HEATR5B: variants seen among roughly 807,000 people sequenced by gnomAD.
HEATR5B encodes HEAT repeat-containing protein 5B.
A neutral mutation model predicts 224.1 loss-of-function variants in HEATR5B; 156 were observed. The ratio of observed to expected loss-of-function variants is 0.70; its 90% confidence interval spans 0.61 to 0.80. The LOEUF (loss-of-function observed/expected upper bound fraction) is 0.80. Ranked by LOEUF, HEATR5B falls within the 30% of genes least tolerant of loss-of-function variation. The pLI is 0.00. For missense variants in HEATR5B, 2,323 were observed against 2,535.5 expected (o/e 0.92, Z 1.80); for synonymous variants, 1,027 against 893.0 (o/e 1.15, Z -2.68).
At chr2:37,043,505 T>C (rs1172653483) in intron 18 of HEATR5B, among the ~76,000 whole-genome samples, 1 of 152,192 alleles carries the variant, frequency 6.6e-6, no homozygotes, top group African/African-American at 2.4e-5. Flanking sequence ...AGAGAGTTCT[T>C]CTCCAAGGGC....
chr2:37,031,641 T>G (rs1485585565), intron 22 of HEATR5B, among the ~76,000 whole-genome samples: 2 of 152,128 alleles, frequency 1.3e-5, no homozygotes, highest in African/African-American at 2.4e-5. Context: ...AAAACAGTAC[T>G]GTCTACTGGT....
chr2:37,006,377 T>A (rs1248084696), intron 29 of HEATR5B, among the ~76,000 whole-genome samples: 3 of 152,236 alleles, frequency 2.0e-5, no homozygotes, highest in Admixed American at 1.3e-4. Flanking sequence ...CTGGGTGCAG[T>A]GGCTCATACC....
Position 37,019,811 on chromosome 2 carries a change from G to C in HEATR5B, c.4102C>G (p.Gln1368Glu). ...TPSDIIAKACQVCSTWIGSGV... is the reference protein window; with the variant it reads ...TPSDIIAKACEVCSTWIGSGV... ...CAAAGTCCCATTTTTCTTCTTACCT[G>C]GCAAGCTTTCGCTATTATATCTGAT... The change falls in exon 26 of 36, where the codon CAG becomes GAG. Residue 1368 changes from glutamine to glutamate, a missense_variant and splice_region_variant. Coordinates refer to ENST00000233099, the MANE Select transcript of HEATR5B (RefSeq NM_019024.3). The C allele has an allele frequency of 6.2e-7, 1 of 1,600,692 alleles. No homozygotes were observed. The highest frequency in any genetic ancestry group is 8.6e-7 in the Non-Finnish European group (1 of 1,169,360).
chr2:37,019,346 T>A lies in HEATR5B; in HGVS notation c.4104+463A>T, dbSNP rs2540999. Among the ~76,000 whole-genome samples the A allele has an allele frequency of 1.2e-4, 19 of 152,092 alleles. 1 individual carries two copies. Among genetic ancestry groups the A allele is most frequent in the Admixed American group, 6.5e-5 (1 of 15,270 alleles). ...TAATGTGTGGTCAAAAACAATGTTT[T>A]GACCACAATGTTTATTACCTAATTA... On this transcript the variant is annotated intron_variant, in intron 26 of 35. Coordinates refer to ENST00000233099, the MANE Select transcript of HEATR5B (RefSeq NM_019024.3).
intron 5 of HEATR5B, 40 bp from the exon 6 acceptor site, chr2:37,072,321 A>T (rs373944308): frequency 3.5e-6 from 5 of 1,413,314 alleles, no homozygotes; most frequent in Non-Finnish European, 3.9e-6. Flanking sequence ...ATCCTATAAC[A>T]TCTGCTTCCA....
chr2:36,990,351 T>C (rs530179029), intron 34 of HEATR5B, among the ~76,000 whole-genome samples: 64 of 152,356 alleles, frequency 4.2e-4, no homozygotes, highest in African/African-American at 1.1e-3. Context: ...TCTCCTTTAA[T>C]GTCCTTAGCG....
chr2:37,048,475 G>A lies in HEATR5B; in HGVS notation c.2696+1178C>T, dbSNP rs1019019800. Among the ~76,000 whole-genome samples, 10 of 151,498 alleles carry A rather than the reference G, an allele frequency of 6.6e-5. No individual in the cohort carries two copies. In the South Asian group the frequency reaches 8.3e-4, roughly 13 times the overall value. On this transcript the variant is annotated intron_variant, in intron 18 of 35. Coordinates refer to ENST00000233099, the MANE Select transcript of HEATR5B (RefSeq NM_019024.3). ...GCTGGGATTATAGGCAAAAGATAAC[G>A]CGCCCAGCCAAGGACACATAAACTA...
At chr2:37,079,663 G>C (rs1033498493) in intron 2 of HEATR5B, among the ~76,000 whole-genome samples, 2 of 152,132 alleles carry the variant, frequency 1.3e-5, no homozygotes, top group Non-Finnish European at 2.9e-5. Flanking sequence ...GACAACTGAT[G>C]TCTTACAACC....
At position 37,071,279 on chromosome 2, in the gene HEATR5B, C is replaced by G. The variant is rs536735076; in HGVS notation, c.769+831G>C. The stretch of plus-strand genomic sequence containing the variant: ...GAACCTAAAACATCTGGTTCTCTTT[C>G]TATGATACAGAGGTGGGGTAGAGGT... On this transcript the variant is annotated intron_variant, in intron 6 of 35. Coordinates refer to ENST00000233099, the MANE Select transcript of HEATR5B (RefSeq NM_019024.3). Among the ~76,000 whole-genome samples, 3 of 152,212 alleles carry G rather than the reference C, an allele frequency of 2.0e-5. No homozygotes were observed. In the South Asian group the frequency reaches 6.2e-4, roughly 32 times the overall value.
At chr2:36,986,986 C>G (rs1209991307) in intron 35 of HEATR5B, among the ~76,000 whole-genome samples, 1 of 152,108 alleles carries the variant, frequency 6.6e-6, no homozygotes, top group Non-Finnish European at 1.5e-5. Flanking sequence ...CTCCTGATCT[C>G]AAGTGATCTG....
intron 21 of HEATR5B, among the ~76,000 whole-genome samples, chr2:37,033,482 G>A (rs1471334767): frequency 6.6e-6 from 1 of 151,996 alleles, no homozygotes; most frequent in Non-Finnish European, 1.5e-5. Context: ...AAAAGTTAGG[G>A]GGCAGAGCAC....
Position 37,003,538 on chromosome 2 carries a change from T to C in HEATR5B, c.5050+4A>G, listed in dbSNP as rs1667224478. The C allele has an allele frequency of 6.3e-7, 1 of 1,584,638 alleles. No individual in the cohort carries two copies. Among genetic ancestry groups the C allele is most frequent in the South Asian group, 1.2e-5 (1 of 86,576 alleles). ...TTCAAGTTAGTGTAATTTCTAGTGCTTACTTAGAGTGTTTCTTTTCTCTTG... is the reference window on the plus strand; with the variant it reads ...TTCAAGTTAGTGTAATTTCTAGTGCCTACTTAGAGTGTTTCTTTTCTCTTG... On this transcript the variant is annotated splice_donor_region_variant and intron_variant, in intron 31 of 35. Coordinates refer to ENST00000233099, the MANE Select transcript of HEATR5B (RefSeq NM_019024.3).
intron 24 of HEATR5B, among the ~76,000 whole-genome samples, chr2:37,027,128 G>A (rs901092423): frequency 1.3e-5 from 2 of 151,730 alleles, no homozygotes; most frequent in Non-Finnish European, 2.9e-5. Context: ...ATATCTATGT[G>A]AGCTCTGCTG....
intron 27 of HEATR5B, among the ~76,000 whole-genome samples, chr2:37,010,968 T>C (rs1198981496): frequency 2.0e-5 from 3 of 152,102 alleles, no homozygotes; most frequent in African/African-American, 7.2e-5. Context: ...AGGCTAATAT[T>C]ACAATGAGAG....
intron 31 of HEATR5B, among the ~76,000 whole-genome samples, chr2:37,002,955 C>T (rs955829008): frequency 1.3e-5 from 2 of 152,012 alleles, no homozygotes; most frequent in Admixed American, 6.6e-5. Context: ...ATGATTAATT[C>T]TTTTTTTAAT....
At chr2:37,012,586 C>T (rs12999509) in intron 27 of HEATR5B, among the ~76,000 whole-genome samples, 1 of 152,130 alleles carries the variant, frequency 6.6e-6, no homozygotes, top group Non-Finnish European at 1.5e-5. Flanking sequence ...GACAGTGTTT[C>T]ACCATATTGG....
chr2:37,046,483 A>C (rs1403987461), intron 18 of HEATR5B, among the ~76,000 whole-genome samples: 1 of 151,876 alleles, frequency 6.6e-6, no homozygotes, highest in Non-Finnish European at 1.5e-5. Flanking sequence ...TACTAAAAAT[A>C]TAAAAATTAG....
At chr2:37,045,984 T>C (rs904563455) in intron 18 of HEATR5B, among the ~76,000 whole-genome samples, 1 of 152,204 alleles carries the variant, frequency 6.6e-6, no homozygotes, top group African/African-American at 2.4e-5. Context: ...CTAATGGCAG[T>C]TAAAGTCCTG....
In HEATR5B at chr2:37,041,355, A is replaced by T; in HGVS notation, c.2697-63T>A. On this transcript the variant is annotated intron_variant, in intron 18 of 35. Transcript: ENST00000233099. The stretch of plus-strand genomic sequence containing the variant: ...ATTTCCCTATAAAAACAACAACATT[A>T]TAAGTCACACAAAAACTGGGATTTA... 2.7e-6 allele frequency: 4 copies of T among 1,462,160 alleles called. No individual in the cohort carries two copies. The South Asian group carries it at 3.6e-5, about 13-fold the overall frequency. The allele number at this position is 1,462,160 out of a possible 1,614,324, so 90.6% of individuals were successfully genotyped here. A position where few individuals can be genotyped will look rare whatever the true frequency, so the allele number is the denominator to read the frequency against.
Sources: gnomAD v4.1 joint callset for allele counts (sites outside exome capture counted in the v4.1 genomes callset) on GRCh38, gnomAD v4.1.1 for gene constraint, MANE v1.5 for transcripts, NCBI Gene and HGNC (gene_info 2026-07-23, HGNC 2026-07-21) for gene names.